Variants in ALPK1 observed in about 807,000 individuals in gnomAD.
ALPK1 encodes the protein alpha-protein kinase 1.
ALPK1 carries 110 observed loss-of-function variants against 120.6 expected under a neutral mutation model. The observed-to-expected ratio is 0.91, with a 90% confidence interval of 0.78 to 1.07. The LOEUF (loss-of-function observed/expected upper bound fraction) is 1.07, where lower values mean the gene tolerates loss of function less well. Ranked by LOEUF, ALPK1 falls within the 50% of genes least tolerant of loss-of-function variation. ALPK1 has a pLI of 0.00. For missense variants in ALPK1, 1,498 were observed against 1,483.9 expected (o/e 1.01, Z -0.16); for synonymous variants, 582 against 560.3 (o/e 1.04, Z -0.55).
At chr4:112,302,757 C>CAAAT (rs1560627692) in intron 1 of ALPK1, among the ~76,000 whole-genome samples, 1 of 150,190 alleles carries the variant, frequency 6.7e-6, no homozygotes, top group African/African-American at 2.5e-5. Context: ...AACAAACAAA[C>CAAAT]CCCTTTTTGC....
intron 1 of ALPK1, 76 bp downstream of exon 1, chr4:112,297,545 C>T (rs1393114182): frequency 6.6e-5 from 10 of 151,912 alleles, no homozygotes; most frequent in Admixed American, 5.2e-4. Context: ...TAAGTGTTGA[C>T]TCAGTTTCCA....
At chr4:112,384,836 A>G (rs945524821) in intron 4 of ALPK1, 1 of 148,454 alleles carries the variant, frequency 6.7e-6, no homozygotes, top group Non-Finnish European at 1.5e-5. Flanking sequence ...GACCAATCCA[A>G]TAAAAAAAAA....
At chr4:112,349,560 C>CA (rs1553939343) in intron 2 of ALPK1, among the ~76,000 whole-genome samples, 1 of 146,508 alleles carries the variant, frequency 6.8e-6, no homozygotes, top group African/African-American at 2.6e-5. Flanking sequence ...TGCCCCCCCC[C>CA]GCTTTATTTT....
chr4:112,393,002 C>A (rs2148735824), intron 4 of ALPK1, among the ~76,000 whole-genome samples: 1 of 152,290 alleles, frequency 6.6e-6, no homozygotes, highest in South Asian at 2.1e-4. Flanking sequence ...CATCTGAGGT[C>A]AGTAGGAGGC....
chr4:112,423,648 A>T (rs1482365726), intron 5 of ALPK1: 5 of 513,464 alleles, frequency 9.7e-6, no homozygotes, highest in Non-Finnish European at 1.9e-5. Context: ...GCCTGTTAGA[A>T]AAGTTTGCCT....
chr4:112,348,060 G>A (rs918343916), intron 2 of ALPK1, among the ~76,000 whole-genome samples: 4 of 152,164 alleles, frequency 2.6e-5, no homozygotes, highest in Admixed American at 6.6e-5. Context: ...AGTAAGCAGA[G>A]TGGTTCAAAA....
chr4:112,357,224 C>T, intron 2 of ALPK1: 1 of 1,521,524 alleles, frequency 6.6e-7, no homozygotes, highest in South Asian at 1.2e-5. Flanking sequence ...GGGCTGCATC[C>T]TGGACTCACT....
At chr4:112,316,676 G>A (rs558836715) in intron 2 of ALPK1, among the ~76,000 whole-genome samples, 2 of 152,172 alleles carry the variant, frequency 1.3e-5, no homozygotes, top group Non-Finnish European at 2.9e-5. Context: ...TAATGGGTGT[G>A]AGGTAGTGTC....
Position 112,430,692 on chromosome 4 carries a change from G to C in ALPK1, c.1145G>C (p.Cys382Ser). Reference sequence around the variant, plus strand: ...ACGGTCCATGCAGCAAGTCAGCTCTGTAAGGAAGCAATGGGGAAGCTGTAC... The same window carrying C: ...ACGGTCCATGCAGCAAGTCAGCTCTCTAAGGAAGCAATGGGGAAGCTGTAC... ...TGTVHAASQL[C>S]KEAMGKLYNF... Residue 382 changes from cysteine to serine, a missense_variant, in exon 11 of 16, where the codon TGT becomes TCT. Physicochemically the swap from Cys to Ser is moderately radical, Grantham distance 112. Coordinates refer to ENST00000650871, the MANE Select transcript of ALPK1 (RefSeq NM_025144.4). 6.2e-7 allele frequency: 1 copy of C among 1,614,226 alleles called. No individual in the cohort carries two copies. The highest frequency in any genetic ancestry group is 8.5e-7 in the Non-Finnish European group (1 of 1,180,038).
chr4:112,435,787 G>A (rs1327108459), intron 12 of ALPK1, among the ~76,000 whole-genome samples: 2 of 152,376 alleles, frequency 1.3e-5, no homozygotes, highest in East Asian at 3.9e-4. Flanking sequence ...AGGCAGGGGT[G>A]GAGTGAGGGT....
At chr4:112,420,276 CA>C (rs1470439507) in intron 5 of ALPK1, among the ~76,000 whole-genome samples, 2 of 152,190 alleles carry the variant, frequency 1.3e-5, no homozygotes, top group Non-Finnish European at 2.9e-5. Context: ...GAAACAGTGG[CA>C]GTGTTTTGGT....
intron 1 of ALPK1, among the ~76,000 whole-genome samples, chr4:112,308,330 T>C (rs576691851): frequency 6.6e-6 from 1 of 152,250 alleles, no homozygotes; most frequent in African/African-American, 2.4e-5. Flanking sequence ...CTGGATAATA[T>C]CCTGCAGAGT....
chr4:112,366,298 C>T (rs566588397), intron 2 of ALPK1, among the ~76,000 whole-genome samples: 16 of 152,016 alleles, frequency 1.1e-4, no homozygotes, highest in Non-Finnish European at 2.1e-4. Flanking sequence ...TCAATCTGTA[C>T]ATCCAACAAG....
intron 1 of ALPK1, among the ~76,000 whole-genome samples, chr4:112,312,870 T>C (rs1728469209): frequency 6.6e-6 from 1 of 152,226 alleles, no homozygotes; most frequent in South Asian, 2.1e-4. Flanking sequence ...CAGCTGCCCA[T>C]GCACAAATTG....
chr4:112,297,628 C>G lies in ALPK1; in HGVS notation c.-153+159C>G, dbSNP rs1727594369. On this transcript the variant is annotated intron_variant, in intron 1 of 15. Transcript: ENST00000650871. ...TTTGCACTTCTATAATAGAAACTTT[C>G]CAGAAAGGGGAGGATGAGTTGGTGG... 3.3e-5 allele frequency among the ~76,000 whole-genome samples: 5 copies of G among 150,920 alleles called. No homozygotes were observed. In the South Asian group the frequency reaches 1.0e-3, roughly 32 times the overall value.
At chr4:112,356,202 A>T (rs1017370024) in intron 2 of ALPK1, 45 of 1,604,526 alleles carry the variant, frequency 2.8e-5, no homozygotes, top group Non-Finnish European at 3.2e-5. Flanking sequence ...TGCCAACAGG[A>T]GTACATGACC....
intron 1 of ALPK1, among the ~76,000 whole-genome samples, chr4:112,302,693 C>T (rs1334005450): frequency 6.6e-6 from 1 of 152,126 alleles, no homozygotes; most frequent in South Asian, 2.1e-4. Context: ...CCCTCTGCTG[C>T]GGCAGTAAGC....
chr4:112,433,371 C>G (rs754902823), intron 11 of ALPK1, among the ~76,000 whole-genome samples: 4 of 152,196 alleles, frequency 2.6e-5, no homozygotes, highest in African/African-American at 9.7e-5. Context: ...TATGAGGGCA[C>G]TCATCCCATC....
rs374348497 is a variant in ALPK1, at chr4:112,396,769, GT to G, written c.276+14226del. Among the ~76,000 whole-genome samples, 4 of 150,342 alleles carry G rather than the reference GT, an allele frequency of 2.7e-5. No homozygotes were observed. The South Asian group carries it at 6.4e-4, about 24-fold the overall frequency. ...TCTTTTCAGTAATCTATGTAGAGCT[GT>G]TTTTTTTTCTTTTTTTATGTTTTTG... On this transcript the variant is annotated intron_variant, in intron 4 of 15. Coordinates refer to ENST00000650871, the MANE Select transcript of ALPK1 (RefSeq NM_025144.4).
Sources: gnomAD v4.1 joint callset for allele counts (sites outside exome capture counted in the v4.1 genomes callset) on GRCh38, gnomAD v4.1.1 for gene constraint, MANE v1.5 for transcripts, NCBI Gene and HGNC (gene_info 2026-07-23, HGNC 2026-07-21) for gene names.